Variants in FALEC observed in about 807,000 individuals in gnomAD.
FALEC encodes the protein focally amplified lncRNA on chromosome 1.
the FALEC span, among the ~76,000 whole-genome samples, chr1:150,528,580 T>C: frequency 6.6e-6 from 1 of 151,558 alleles, no homozygotes; most frequent in African/African-American, 2.4e-5. Context: ...ATTATTACTA[T>C]TAATTTTTTT....
the FALEC span, among the ~76,000 whole-genome samples, chr1:150,530,827 G>A: frequency 6.6e-6 from 1 of 152,114 alleles, no homozygotes; most frequent in East Asian, 1.9e-4. Flanking sequence ...TCCAGCTTTT[G>A]GTTCAAAGCG....
At chr1:150,530,406 C>G in the FALEC span, among the ~76,000 whole-genome samples, 10 of 152,196 alleles carry the variant, frequency 6.6e-5, no homozygotes, top group African/African-American at 2.4e-4. Context: ...ATTCTCTCCC[C>G]TCTGATACTG....
At chr1:150,536,698 A>G in the FALEC span, among the ~76,000 whole-genome samples, 1 of 152,142 alleles carries the variant, frequency 6.6e-6, no homozygotes, top group African/African-American at 2.4e-5. Context: ...CTGAGTGGGG[A>G]GGATATTTTG....
chr1:150,527,229 C>A, the FALEC span, among the ~76,000 whole-genome samples: 7 of 151,914 alleles, frequency 4.6e-5, no homozygotes, highest in Non-Finnish European at 1.0e-4. Context: ...ATGTGAGCCA[C>A]CACGCCTGGC....
downstream of FALEC, among the ~76,000 whole-genome samples, chr1:150,519,878 C>T (rs933218724): frequency 2.0e-5 from 3 of 147,732 alleles, no homozygotes; most frequent in Admixed American, 6.7e-5. Context: ...AATAGGCTGG[C>T]GCAGTGGCTC....
chr1:150,522,845 C>CTA (rs1160620667), downstream of FALEC, among the ~76,000 whole-genome samples: 6 of 109,356 alleles, frequency 5.5e-5, no homozygotes, highest in African/African-American at 2.1e-4. Context: ...CTCTCTCTCT[C>CTA]TCTCTCTATA....
At chr1:150,529,016 C>CAAAAAAAAAAACAAAAAAA in the FALEC span, among the ~76,000 whole-genome samples, 1 of 59,292 alleles carries the variant, frequency 1.7e-5, no homozygotes, top group African/African-American at 7.7e-5. Context: ...AAATAAATAG[C>CAAAAAAAAAAACAAAAAAA]AAAAAAAAAA....
At chr1:150,523,689 T>C in the FALEC span, among the ~76,000 whole-genome samples, 1 of 151,752 alleles carries the variant, frequency 6.6e-6, no homozygotes, top group Non-Finnish European at 1.5e-5. Context: ...GTGGCTTACA[T>C]TGGTGACTGG....
downstream of FALEC, among the ~76,000 whole-genome samples, chr1:150,522,972 TATATATATATA>T (rs1476325913): frequency 5.1e-4 from 27 of 52,518 alleles, 4 homozygotes; most frequent in Admixed American, 1.0e-3. Flanking sequence ...TATATATATA[TATATATATATA>T]TTTTTTTTTT....
At chr1:150,535,299 G>A in the FALEC span, among the ~76,000 whole-genome samples, 6 of 152,036 alleles carry the variant, frequency 3.9e-5, no homozygotes, top group South Asian at 8.3e-4. Context: ...GCTGGAGTGC[G>A]GTGGCGCAAT....
chr1:150,529,802 T>C, the FALEC span, among the ~76,000 whole-genome samples: 21 of 152,274 alleles, frequency 1.4e-4, no homozygotes, highest in South Asian at 2.9e-3. Context: ...TTTTCCCATG[T>C]TGGCCAGGAT....
chr1:150,517,278 C>CA (rs1670579525), intron 1 of FALEC, among the ~76,000 whole-genome samples: 1 of 128,954 alleles, frequency 7.8e-6, no homozygotes, highest in Non-Finnish European at 1.6e-5. Flanking sequence ...GCCTGGGTGA[C>CA]AGAGCCAGAC....
At chr1:150,535,761 G>A in the FALEC span, among the ~76,000 whole-genome samples, 2 of 152,270 alleles carry the variant, frequency 1.3e-5, no homozygotes, top group South Asian at 2.1e-4. Context: ...GGAGCTGCTC[G>A]TAAACAAAAA....
At chr1:150,529,575 A>G in the FALEC span, among the ~76,000 whole-genome samples, 286 of 151,840 alleles carry the variant, frequency 1.9e-3, 1 homozygote, top group Middle Eastern at 6.8e-3. Flanking sequence ...AGCAGGGCCC[A>G]TGGAAAGATT....
At chr1:150,522,422 A>G (rs1388753811), downstream of FALEC, among the ~76,000 whole-genome samples, 1 of 152,058 alleles carries the variant, frequency 6.6e-6, no homozygotes, top group Non-Finnish European at 1.5e-5. Context: ...CAGGAGTTCA[A>G]GACCAGCCTG....
the FALEC span, among the ~76,000 whole-genome samples, chr1:150,534,327 G>C: frequency 6.6e-6 from 1 of 152,216 alleles, no homozygotes; most frequent in Non-Finnish European, 1.5e-5. Context: ...TGAAGCCGCT[G>C]TCGTCCTCTG....
downstream of FALEC, among the ~76,000 whole-genome samples, chr1:150,522,966 TATATATA>T (rs1670673670): frequency 1.6e-4 from 7 of 43,624 alleles, no homozygotes; most frequent in African/African-American, 6.2e-4. Flanking sequence ...TATATATATA[TATATATA>T]TATATATATA....
chr1:150,535,682 C>T, the FALEC span, among the ~76,000 whole-genome samples: 1 of 152,222 alleles, frequency 6.6e-6, no homozygotes. Context: ...TGACGCTTGG[C>T]ATGGTCCATG....
chr1:150,527,563 A>ATTTAAAAG, the FALEC span, among the ~76,000 whole-genome samples: 1 of 152,116 alleles, frequency 6.6e-6, no homozygotes, highest in Non-Finnish European at 1.5e-5. Context: ...CTGGCCAAAA[A>ATTTAAAAG]CTTAAAAGCT....
Sources: gnomAD v4.1 joint callset for allele counts (sites outside exome capture counted in the v4.1 genomes callset) on GRCh38, gnomAD v4.1.1 for gene constraint, MANE v1.5 for transcripts, NCBI Gene and HGNC (gene_info 2026-07-23, HGNC 2026-07-21) for gene names.